The following ATG9B variants were observed in gnomAD, a reference collection of about 807,000 sequenced individuals.
ATG9B encodes autophagy related 9B.
Under a neutral mutation model 92.9 loss-of-function variants are expected in ATG9B, and 92 were observed. The observed-to-expected ratio is 0.99, with a 90% CI of 0.84 to 1.18. The LOEUF is 1.18. Among genes scored for constraint, ATG9B ranks in the 50% most tolerant of loss-of-function variants. The probability of loss-of-function intolerance (pLI) is 0.00; values close to 1 mark genes in which losing one functional copy is unlikely to be tolerated. For missense variants in ATG9B, 1,344 were observed against 1,235.0 expected (o/e 1.09, Z -1.32); for synonymous variants, 599 against 551.4 (o/e 1.09, Z -1.21).
downstream of ATG9B, chr7:151,012,248 A>G: frequency 6.2e-6 from 3 of 481,344 alleles, no homozygotes; most frequent in South Asian, 2.9e-5. Flanking sequence ...TTTTTTTTTG[A>G]GATGGGAAGA....
At chr7:151,014,178 T>C (rs980965727), downstream of ATG9B, 1 of 1,592,516 alleles carries the variant, frequency 6.3e-7, no homozygotes, top group Non-Finnish European at 8.6e-7. Context: ...GAGAGCCGCC[T>C]GGCTTTCCCT....
At position 151,018,225 on chromosome 7, in the gene ATG9B, GCAGA is replaced by G; in HGVS notation, c.1872+65_1872+68del. 1 of 1,486,912 alleles carries G rather than the reference GCAGA, an allele frequency of 6.7e-7. No individual in the cohort carries two copies. The allele number at this position is 1,486,912 out of a possible 1,614,324, so 92.1% of individuals were successfully genotyped here. On this transcript the variant is annotated intron_variant, in intron 7 of 13. Coordinates refer to ENST00000639579, the MANE Select transcript of ATG9B (RefSeq NM_001317056.2). The surrounding 1 kb of genome is among the most constrained non-coding windows in gnomAD (Gnocchi z 4.7). ...GCCCTCTCCCAGACAGACCCTCCGC[GCAGA>G]CAGACCCTCCGCGCAGACAGACCCC...
Position 151,019,096 on chromosome 7 carries a change from CCCGCGGAAGAGCGAGAAGGGA to C in ATG9B, c.1221_1241del (p.Pro408_Gly414del), listed in dbSNP as rs747882999. ...TGTAGGCGTGCGGCAGCTCCCAGCC[CCCGCGGAAGAGCGAGAAGGGA>C]CCGCGGAAGAGCAGCAGGTCGACAT... On this transcript the variant is annotated inframe_deletion, in exon 6 of 14. Transcript: ENST00000639579. 32 of 1,535,742 alleles carry C rather than the reference CCCGCGGAAGAGCGAGAAGGGA, an allele frequency of 2.1e-5. No homozygotes were observed. Among genetic ancestry groups the C allele is most frequent in the Non-Finnish European group, 2.4e-5 (27 of 1,146,532 alleles).
chr7:151,013,232 G>A (rs1372420356), downstream of ATG9B: 1 of 1,612,190 alleles, frequency 6.2e-7, no homozygotes, highest in Non-Finnish European at 8.5e-7. Context: ...TGCTTGCAGG[G>A]CTGCAGCCCA....
chr7:151,017,066 C>G lies in ATG9B; in HGVS notation c.2259G>C (p.Pro753=), dbSNP rs541003137. The change falls in exon 9 of 14, where the codon CCG becomes CCC. Residue 753 remains proline (P), a synonymous_variant. Coordinates refer to ENST00000639579, the MANE Select transcript of ATG9B (RefSeq NM_001317056.2). The part of the protein sequence containing the change: ...GATSARGPST[P]GVLSNCTSPL... ...GCGAGGTGCAGTTGCTGAGCACCCCCGGGGTGGAGGGGCCGCGAGCCGAGG... is the reference window on the plus strand; with the variant it reads ...GCGAGGTGCAGTTGCTGAGCACCCCGGGGGTGGAGGGGCCGCGAGCCGAGG... 178 of 1,602,576 alleles carry G rather than the reference C, an allele frequency of 1.1e-4. 4 individuals carry two copies. The South Asian group carries it at 1.9e-3, about 17-fold the overall frequency.
downstream of ATG9B, chr7:151,013,066 C>G: frequency 2.7e-6 from 2 of 743,188 alleles, no homozygotes; most frequent in East Asian, 2.7e-5. Flanking sequence ...TGTGCAGGGT[C>G]TCTGTGAAAG....
intron 5 of ATG9B, among the ~76,000 whole-genome samples, chr7:151,020,716 C>T (rs146382831): frequency 2.6e-4 from 39 of 152,304 alleles, no homozygotes; most frequent in African/African-American, 8.2e-4. Context: ...TCCTGCAATG[C>T]GGGGGATGGC....
chr7:151,023,430 G>A lies in ATG9B; in HGVS notation c.659+15C>T, dbSNP rs752143778. The A allele has an allele frequency of 3.1e-6, 5 of 1,612,636 alleles. No individual in the cohort carries two copies. The highest frequency in any genetic ancestry group is 4.5e-5 in the East Asian group (2 of 44,774). On this transcript the variant is annotated intron_variant, in intron 3 of 13. Coordinates refer to ENST00000639579, the MANE Select transcript of ATG9B (RefSeq NM_001317056.2). ...CCCAGGGGACCGAGTTCCGGGCCCG[G>A]GCTAAGCGTCTCACCCCAGCTGGAA...
downstream of ATG9B, chr7:151,012,960 G>C (rs184091407): frequency 2.4e-5 from 12 of 509,350 alleles, no homozygotes; most frequent in East Asian, 4.1e-4. Context: ...CAATGCAAAG[G>C]GCATGGAATT....
rs780249934 is a variant in ATG9B at position 151,016,825 on chromosome 7, G to A, written c.2290-4C>T. 5.6e-6 allele frequency: 9 copies of A among 1,600,244 alleles called. 1 individual carries two copies. The South Asian group carries it at 9.0e-5, about 16-fold the overall frequency. ...GGTTGGCCAGGAAGGCCTCAGGCTG[G>A]GTGCAAGAGGAGAGGGAAAGCCAAA... On this transcript the variant is annotated splice_region_variant and splice_polypyrimidine_tract_variant and intron_variant, in intron 9 of 13. Transcript: ENST00000639579.
At chr7:151,022,497 T>A (rs1307875686) in intron 4 of ATG9B, among the ~76,000 whole-genome samples, 1 of 151,320 alleles carries the variant, frequency 6.6e-6, no homozygotes, top group Admixed American at 6.6e-5. Flanking sequence ...CAAAAGCTTT[T>A]CAGGATTCTC....
chr7:151,016,223 GCT>G lies in ATG9B; in HGVS notation c.2531_2532del (p.Gln844ProfsTer9). 1.3e-6 allele frequency: 2 copies of G among 1,494,552 alleles called. No homozygotes were observed. Among genetic ancestry groups the G allele is most frequent in the Non-Finnish European group, 1.8e-6 (2 of 1,118,896 alleles). The allele number at this position is 1,494,552 out of a possible 1,614,324, so 92.6% of individuals were successfully genotyped here. On this transcript the variant is annotated frameshift_variant, in exon 12 of 14. Transcript: ENST00000639579. LOFTEE classifies it high-confidence loss of function. Reference protein sequence around the residue: ...HVIYLHQLHQQQQQQEPWGEA... With the variant: ...HVIYLHQLHQXQQQQEPWGEA... ...TCACCCCACGGCTCCTGCTGCTGCT[GCT>G]GCTGGTGAAGCTGCATGGAAAGGAG...
chr7:151,014,062 G>A, downstream of ATG9B: 1 of 1,613,828 alleles, frequency 6.2e-7, no homozygotes, highest in Non-Finnish European at 8.5e-7. Context: ...CACCCAGGAG[G>A]TGACAAGCCG....
chr7:151,023,845 C>A (rs770243832), intron 1 of ATG9B, 29 bp downstream of exon 1: 4 of 1,609,754 alleles, frequency 2.5e-6, no homozygotes, highest in East Asian at 4.5e-5. Context: ...GCACCACTAA[C>A]CCTCTCCCAC....
At chr7:151,015,841 T>A (rs913104639) in intron 13 of ATG9B, 41 bp downstream of exon 13, 1 of 1,529,374 alleles carries the variant, frequency 6.5e-7, no homozygotes, top group Non-Finnish European at 8.8e-7. Flanking sequence ...CAACTACCTA[T>A]GCCGTCCTTT....
Position 151,016,242 on chromosome 7 carries a change from G to A in ATG9B, c.2521-7C>T, listed in dbSNP as rs1795476809. On this transcript the variant is annotated splice_region_variant and splice_polypyrimidine_tract_variant and intron_variant, in intron 11 of 13. Transcript: ENST00000639579. ...GCTGCTGCTGCTGGTGAAGCTGCAT[G>A]GAAAGGAGGAGGAATGAGGGCTGCA... 2.7e-6 allele frequency: 4 copies of A among 1,487,548 alleles called. No individual in the cohort carries two copies. The highest frequency in any genetic ancestry group is 3.6e-6 in the Non-Finnish European group (4 of 1,115,212). The allele number at this position is 1,487,548 out of a possible 1,614,324, so 92.1% of individuals were successfully genotyped here. A position where few individuals can be genotyped will look rare whatever the true frequency, so the allele number is the denominator to read the frequency against.
rs1281776331 is a variant in ATG9B, at chr7:151,023,702, G to T, written c.579C>A (p.Asp193Glu). Residue 193 changes from aspartate (D) to glutamate (E), a missense_variant, in exon 2 of 14, where the codon GAC (aspartate) becomes GAA (glutamate). Transcript: ENST00000639579. ...CAAAGGATATCTTGGTGAAGAAACTGTCCAGGTTCTGGATGTGATGCCAGG... is the reference window on the plus strand; with the variant it reads ...CAAAGGATATCTTGGTGAAGAAACTTTCCAGGTTCTGGATGTGATGCCAGG... ...RGSWHHIQNL[D>E]SFFTKIYSYH... 1.9e-5 allele frequency: 31 copies of T among 1,613,960 alleles called. No homozygotes were observed. The Admixed American group carries it at 2.0e-4, about 10-fold the overall frequency.
At chr7:151,014,503 C>A, downstream of ATG9B, 1 of 310,214 alleles carries the variant, frequency 3.2e-6, no homozygotes, top group Non-Finnish European at 5.9e-6. Context: ...AGTCTAATCT[C>A]TAAATCAAGT....
Position 151,018,895 on chromosome 7 carries a change from C to A in ATG9B, c.1443G>T (p.Trp481Cys), listed in dbSNP as rs1401760134. ...REPGALGARG[W>C]SRLARLQLRH... ...GCAGCTGCAAGCGCGCCAGGCGGGA[C>A]CAGCCGCGCGCCCCCAGCGCGCCAG... is the stretch of plus-strand genomic sequence containing the variant. Residue 481 changes from tryptophan (W) to cysteine (C), a missense_variant, in exon 6 of 14, where the codon TGG (tryptophan) becomes TGT (cysteine). Transcript: ENST00000639579. This position sits in a 1 kb window ranked among gnomAD's most constrained non-coding sequence, Gnocchi z 4.7. The A allele has an allele frequency of 1.4e-6, 2 of 1,459,342 alleles. No individual in the cohort carries two copies. The highest frequency in any genetic ancestry group is 1.4e-5 in the South Asian group (1 of 73,528). 90.4% of individuals were successfully genotyped at this position (1,459,342 alleles called of 1,614,324 possible). A position where few individuals can be genotyped will look rare whatever the true frequency, so the allele number is the denominator to read the frequency against.
Sources: gnomAD v4.1 joint callset for allele counts (sites outside exome capture counted in the v4.1 genomes callset) on GRCh38, gnomAD v4.1.1 for gene constraint, Gnocchi (gnomAD v3.1) non-coding constraint, MANE v1.5 for transcripts, NCBI Gene and HGNC (gene_info 2026-07-23, HGNC 2026-07-21) for gene names.